The following ZNF562 variants were observed in gnomAD, a reference collection of about 807,000 sequenced individuals.
ZNF562 encodes the protein zinc finger protein 562.
Under a neutral mutation model 17.5 loss-of-function variants are expected in ZNF562, and 13 were observed. The observed-to-expected ratio is 0.74, with a 90% CI of 0.48 to 1.18. The LOEUF (loss-of-function observed/expected upper bound fraction) is 1.18. Ranked by LOEUF, ZNF562 falls within the 50% of genes most tolerant of loss-of-function variation. ZNF562 has a pLI of 0.00. For synonymous variants in ZNF562, 163 were observed against 165.4 expected (o/e 0.99, Z 0.11); for missense variants, 481 against 498.5 (o/e 0.96, Z 0.33).
chr19:9,644,935 C>A lies in ZNF562; in HGVS notation c.*8014G>T, dbSNP rs2074796710. 1 of 152,212 alleles carries A rather than the reference C, an allele frequency of 6.6e-6. No homozygotes were observed. The highest frequency in any genetic ancestry group is 2.4e-5 in the African/African-American group (1 of 41,446). The allele number at this position is 152,212 out of a possible 1,614,324, so 9.4% of individuals were successfully genotyped here. A position where few individuals can be genotyped will look rare whatever the true frequency, so the allele number is the denominator to read the frequency against. On this transcript the variant is annotated 3_prime_UTR_variant, in exon 6 of 6. Transcript: ENST00000453372. ...TCAACTGTTTCTTTGGGCCTTCAGT[C>A]CTGCTGACTTCCGGCCTCCTGAGTC...
rs2144949713 is a variant in ZNF562, at chr19:9,650,287, A to G, written c.*2662T>C. On this transcript the variant is annotated 3_prime_UTR_variant, in exon 6 of 6. Coordinates refer to ENST00000453372, the MANE Select transcript of ZNF562 (RefSeq NM_001130031.2). The stretch of plus-strand genomic sequence containing the variant: ...TGTTCAGTCCAAAGTACTTAATATG[A>G]TTCTTTTCTCTTTCCACATAGAGAA... 6.6e-6 allele frequency: 1 copy of G among 151,958 alleles called. No homozygotes were observed. Among genetic ancestry groups the G allele is most frequent in the Admixed American group, 6.6e-5 (1 of 15,196 alleles). The allele number at this position is 151,958 out of a possible 1,614,324, so 9.4% of individuals were successfully genotyped here.
chr19:9,669,717 A>AGT lies in ZNF562; in HGVS notation c.-131+5297_-131+5298insAC, dbSNP rs1194515772. ...AGACCTGTCTGCATGCACGCGCGCGAGCGCGCGCGCGCGCGCGCACACACA... is the reference window on the plus strand; with the variant it reads ...AGACCTGTCTGCATGCACGCGCGCGAGTGCGCGCGCGCGCGCGCGCACACACA... On this transcript the variant is annotated intron_variant, in intron 1 of 5. Coordinates refer to ENST00000453372, the MANE Select transcript of ZNF562 (RefSeq NM_001130031.2). Among the ~76,000 whole-genome samples, 188 of 98,982 alleles carry AGT rather than the reference A, an allele frequency of 1.9e-3. 1 individual carries two copies. Among genetic ancestry groups the AGT allele is most frequent in the Middle Eastern group, 0.011 (2 of 184 alleles). 64.9% of individuals were successfully genotyped at this position (98,982 alleles called of 152,430 possible).
Position 9,642,763 on chromosome 19 carries a change from C to T in ZNF562, c.*10186G>A, listed in dbSNP as rs911154159. ...GAAATAGAGGCCAGGCACAGTGGCTCAACCCTGTCATCCTAGCATTTTGGG... is the reference window on the plus strand; with the variant it reads ...GAAATAGAGGCCAGGCACAGTGGCTTAACCCTGTCATCCTAGCATTTTGGG... On this transcript the variant is annotated 3_prime_UTR_variant, in exon 6 of 6. Coordinates refer to ENST00000453372, the MANE Select transcript of ZNF562 (RefSeq NM_001130031.2). The T allele has an allele frequency of 6.6e-6, 1 of 151,528 alleles. No individual in the cohort carries two copies. Among genetic ancestry groups the T allele is most frequent in the African/African-American group, 2.4e-5 (1 of 41,164 alleles). 9.4% of individuals were successfully genotyped at this position (151,528 alleles called of 1,614,324 possible). A position where few individuals can be genotyped will look rare whatever the true frequency, so the allele number is the denominator to read the frequency against.
chr19:9,642,202 G>T lies in ZNF562; in HGVS notation c.*10747C>A, dbSNP rs1468113953. 1 of 151,630 alleles carries T rather than the reference G, an allele frequency of 6.6e-6. No homozygotes were observed. The highest frequency in any genetic ancestry group is 1.5e-5 in the Non-Finnish European group (1 of 67,956). 9.4% of individuals were successfully genotyped at this position (151,630 alleles called of 1,614,324 possible). A position where few individuals can be genotyped will look rare whatever the true frequency, so the allele number is the denominator to read the frequency against. ...AAAGTACATTATCACAAGGGCGGGG[G>T]GATGTCACAATGGCTTGACCATGGT... On this transcript the variant is annotated 3_prime_UTR_variant, in exon 6 of 6. Coordinates refer to ENST00000453372, the MANE Select transcript of ZNF562 (RefSeq NM_001130031.2).
At chr19:9,664,757 G>T (rs2043881355) in intron 1 of ZNF562, among the ~76,000 whole-genome samples, 1 of 152,004 alleles carries the variant, frequency 6.6e-6, no homozygotes, top group Non-Finnish European at 1.5e-5. Context: ...TGGGCATGGT[G>T]GCTCATGCCT....
In ZNF562 at chr19:9,655,709, T is replaced by TTTTC. The variant is rs1568263730; in HGVS notation, c.348+834_348+837dup. On this transcript the variant is annotated intron_variant, in intron 5 of 5. Transcript: ENST00000453372. ...TGCTGGGATTACAGGATTCACTTTC[T>TTTTC]TTTCTTTCTTTTTTTTTTTTTTTTT... is the stretch of plus-strand genomic sequence containing the variant. Among the ~76,000 whole-genome samples the TTTTC allele has an allele frequency of 4.2e-3, 568 of 136,578 alleles. 18 individuals carry two copies. The highest frequency in any genetic ancestry group is 0.015 in the African/African-American group (518 of 34,098). The allele number at this position is 136,578 out of a possible 152,430, so 89.6% of individuals were successfully genotyped here.
rs1006488047 is a variant in ZNF562, at chr19:9,642,617, A to G, written c.*10332T>C. ...TATTTAATTTTTTAAAAAATCAACAAAGATAGAGGGAAAACCCAAAATGGA... is the reference window on the plus strand; with the variant it reads ...TATTTAATTTTTTAAAAAATCAACAGAGATAGAGGGAAAACCCAAAATGGA... On this transcript the variant is annotated 3_prime_UTR_variant, in exon 6 of 6. Coordinates refer to ENST00000453372, the MANE Select transcript of ZNF562 (RefSeq NM_001130031.2). 1 of 152,016 alleles carries G rather than the reference A, an allele frequency of 6.6e-6. No individual in the cohort carries two copies. The highest frequency in any genetic ancestry group is 2.4e-5 in the African/African-American group (1 of 41,366). 9.4% of individuals were successfully genotyped at this position (152,016 alleles called of 1,614,324 possible). A position where few individuals can be genotyped will look rare whatever the true frequency, so the allele number is the denominator to read the frequency against.
At position 9,655,717 on chromosome 19, in the gene ZNF562, C is replaced by CTTTTT. The variant is rs58199071; in HGVS notation, c.348+825_348+829dup. Among the ~76,000 whole-genome samples, 410 of 48,694 alleles carry CTTTTT rather than the reference C, an allele frequency of 8.4e-3. 14 individuals are homozygous for CTTTTT. Among genetic ancestry groups the CTTTTT allele is most frequent in the Non-Finnish European group, 0.012 (329 of 28,152 alleles). 31.9% of individuals were successfully genotyped at this position (48,694 alleles called of 152,430 possible). Reference sequence around the variant, plus strand: ...TTACAGGATTCACTTTCTTTTCTTTCTTTTTTTTTTTTTTTTTTTTTTTTT... The same window carrying CTTTTT: ...TTACAGGATTCACTTTCTTTTCTTTCTTTTTTTTTTTTTTTTTTTTTTTTTTTTTT... On this transcript the variant is annotated intron_variant, in intron 5 of 5. Transcript: ENST00000453372.
In ZNF562 at chr19:9,642,228, A is replaced by G. The variant is rs937795885; in HGVS notation, c.*10721T>C. On this transcript the variant is annotated 3_prime_UTR_variant, in exon 6 of 6. Transcript: ENST00000453372. ...GATGTCACAATGGCTTGACCATGGT[A>G]TGGCCAGCTCAGAGTACCTTACAGT... 1.3e-5 allele frequency: 2 copies of G among 150,814 alleles called. No homozygotes were observed. Among genetic ancestry groups the G allele is most frequent in the African/African-American group, 4.9e-5 (2 of 41,020 alleles). The allele number at this position is 150,814 out of a possible 1,614,324, so 9.3% of individuals were successfully genotyped here.
Position 9,646,772 on chromosome 19 carries a change from T to A in ZNF562, c.*6177A>T, listed in dbSNP as rs1361687045. On this transcript the variant is annotated 3_prime_UTR_variant, in exon 6 of 6. Transcript: ENST00000453372. Reference sequence around the variant, plus strand: ...TACTTATGCAAGCCTTAGTTGTCTTTTTTTTTTTTTTTTTATGAGATGGAG... The same window carrying A: ...TACTTATGCAAGCCTTAGTTGTCTTATTTTTTTTTTTTTTATGAGATGGAG... The A allele has an allele frequency of 6.9e-6, 1 of 144,456 alleles. No individual in the cohort carries two copies. Among genetic ancestry groups the A allele is most frequent in the Non-Finnish European group, 1.5e-5 (1 of 65,328 alleles). 8.9% of individuals were successfully genotyped at this position (144,456 alleles called of 1,614,324 possible).
intron 5 of ZNF562, among the ~76,000 whole-genome samples, chr19:9,655,081 C>T (rs1357089558): frequency 2.6e-5 from 4 of 152,122 alleles, no homozygotes; most frequent in Non-Finnish European, 5.9e-5. Context: ...GCCTTAAACT[C>T]CCAGGCTCAA....
At chr19:9,658,859 C>T (rs1476934627) in intron 3 of ZNF562, among the ~76,000 whole-genome samples, 6 of 152,182 alleles carry the variant, frequency 3.9e-5, no homozygotes, top group South Asian at 2.1e-4. Flanking sequence ...CAGGCACAAT[C>T]GCTGCTTACT....
At chr19:9,669,724 G>T (rs2336086) in intron 1 of ZNF562, among the ~76,000 whole-genome samples, 59 of 77,984 alleles carry the variant, frequency 7.6e-4, no homozygotes, top group African/African-American at 2.9e-3. Context: ...GCGAGCGCGC[G>T]CGCGCGCGCG....
chr19:9,669,813 G>C (rs1180087755), intron 1 of ZNF562, among the ~76,000 whole-genome samples: 1 of 149,702 alleles, frequency 6.7e-6, no homozygotes, highest in Non-Finnish European at 1.5e-5. Context: ...TGTAATCCCA[G>C]CTCTTTAGGA....
intron 1 of ZNF562, among the ~76,000 whole-genome samples, chr19:9,669,732 G>GCACA (rs1276865026): frequency 0.01 from 779 of 76,714 alleles, 7 homozygotes; most frequent in South Asian, 0.03. Flanking sequence ...GCGCGCGCGC[G>GCACA]CGCACACACA....
Position 9,653,021 on chromosome 19 carries a change from A to G in ZNF562, c.1209T>C (p.Val403=), listed in dbSNP as rs1309481212. 1 of 1,563,248 alleles carries G rather than the reference A, an allele frequency of 6.4e-7. No homozygotes were observed. Among genetic ancestry groups the G allele is most frequent in the African/African-American group, 1.4e-5 (1 of 72,998 alleles). Residue 403 remains valine (V), a synonymous_variant, in exon 6 of 6, where the codon GTT becomes GTC. Transcript: ENST00000453372. ...IHTGEKPYEC[V]ECGKTFITSS... ...AAGTAATGAAGGTCTTCCCACATTC[A>G]ACACATTCATAAGGCTTCTCTCCTG...
chr19:9,666,237 C>T lies in ZNF562; in HGVS notation c.-130-5363G>A, dbSNP rs576942809. Among the ~76,000 whole-genome samples, 8 of 151,024 alleles carry T rather than the reference C, an allele frequency of 5.3e-5. No homozygotes were observed. The South Asian group carries it at 8.4e-4, about 16-fold the overall frequency. ...ACTCGGGAGGCTGAAGCAGGAGAAT[C>T]GCTTGAATCCGGGAAGCAGAGGTTG... On this transcript the variant is annotated intron_variant, in intron 1 of 5. Transcript: ENST00000453372.
At chr19:9,671,639 A>C (rs1192180977) in intron 1 of ZNF562, among the ~76,000 whole-genome samples, 2 of 152,234 alleles carry the variant, frequency 1.3e-5, no homozygotes, top group East Asian at 3.9e-4. Context: ...TTCAGGCTGC[A>C]ATGCAAGCTT....
At chr19:9,659,952 AAAAAAAAAAAAAAAAAAAAAAAAAAAC>A (rs2043667026) in intron 2 of ZNF562, among the ~76,000 whole-genome samples, 3 of 120,332 alleles carry the variant, frequency 2.5e-5, no homozygotes, top group Admixed American at 8.5e-5. Flanking sequence ...AAAAAAAAAA[AAAAAAAAAAAAAAAAAAAAAAAAAAAC>A]TACAGGAGGC....
Sources: gnomAD v4.1 joint callset for allele counts (sites outside exome capture counted in the v4.1 genomes callset) on GRCh38, gnomAD v4.1.1 for gene constraint, MANE v1.5 for transcripts, NCBI Gene and HGNC (gene_info 2026-07-23, HGNC 2026-07-21) for gene names.